C15orf40: variants seen among roughly 807,000 people sequenced by gnomAD.
C15orf40 encodes the protein chromosome 15 open reading frame 40, also known as UPF0235 protein C15orf40.
Under a neutral mutation model 13.9 loss-of-function variants are expected in C15orf40, and 9 were observed. That is an observed-to-expected ratio of 0.65 (90% CI 0.39 to 1.13). The LOEUF (loss-of-function observed/expected upper bound fraction) is 1.13. Among genes scored for constraint, C15orf40 ranks in the 50% most tolerant of loss-of-function variants. The pLI, the probability that C15orf40 is intolerant of heterozygous loss-of-function variation, is 0.01. For synonymous variants in C15orf40, 95 were observed against 69.2 expected (o/e 1.37, Z -1.85); for missense variants, 225 against 188.5 (o/e 1.19, Z -1.13).
downstream of C15orf40, among the ~76,000 whole-genome samples, chr15:82,989,479 C>T (rs1292445081): frequency 6.6e-6 from 1 of 152,154 alleles, no homozygotes; most frequent in African/African-American, 2.4e-5. Flanking sequence ...GAGTTTTCTA[C>T]AGCTTGTTCA....
At chr15:82,991,836 T>C, downstream of C15orf40, 2 of 1,239,612 alleles carry the variant, frequency 1.6e-6, no homozygotes, top group Non-Finnish European at 2.1e-6. Flanking sequence ...TATATAAAGA[T>C]AGGATTTGAT....
rs2031401930 is a variant in C15orf40, at chr15:83,001,190, T to C, written c.*4407A>G. ...CCCTAACCGAGAGGAAAGTGTGGAA[T>C]GGCTCACAGAAATCAGAAGTCTGAA... On this transcript the variant is annotated 3_prime_UTR_variant, in exon 4 of 4. Transcript: ENST00000304177. The C allele has an allele frequency of 1.0e-6, 1 of 985,362 alleles. No individual in the cohort carries two copies. Among genetic ancestry groups the C allele is most frequent in the Non-Finnish European group, 1.2e-6 (1 of 829,974 alleles). 61.0% of individuals were successfully genotyped at this position (985,362 alleles called of 1,614,324 possible).
At position 82,997,550 on chromosome 15, in the gene C15orf40, A is replaced by C. The variant is rs1308388041; in HGVS notation, c.*8047T>G. ...TCACAGATCAACAGGATCCCAAGGC[A>C]GAGGAATTTTTCTTAGTGCAGAACA... On this transcript the variant is annotated 3_prime_UTR_variant, in exon 4 of 4. Transcript: ENST00000304177. 1 of 228,726 alleles carries C rather than the reference A, an allele frequency of 4.4e-6. No homozygotes were observed. Among genetic ancestry groups the C allele is most frequent in the Non-Finnish European group, 8.5e-6 (1 of 117,462 alleles). The allele number at this position is 228,726 out of a possible 1,614,324, so 14.2% of individuals were successfully genotyped here.
chr15:83,006,540 A>G, intron 3 of C15orf40: 17 of 887,134 alleles, frequency 1.9e-5, no homozygotes, highest in Non-Finnish European at 2.2e-5. Flanking sequence ...CGGGTGGATC[A>G]CCTGAGGTCA....
chr15:83,001,839 T>G lies in C15orf40; in HGVS notation c.*3758A>C, dbSNP rs1258676158. The G allele has an allele frequency of 4.6e-5, 7 of 152,348 alleles. No homozygotes were observed. The highest frequency in any genetic ancestry group is 1.7e-4 in the African/African-American group (7 of 41,448). The allele number at this position is 152,348 out of a possible 1,614,324, so 9.4% of individuals were successfully genotyped here. ...TGCAGTGGGGAAAAGGGAATCGTGT[T>G]CTGGGAATACAGCCCCTGGGCCAGT... On this transcript the variant is annotated 3_prime_UTR_variant, in exon 4 of 4. Transcript: ENST00000304177.
Position 83,004,463 on chromosome 15 carries a change from A to G in C15orf40, c.*1134T>C. Reference sequence around the variant, plus strand: ...CTATAACTTGACCTGAAGATGTAAAAATATATTATTAGCTTTTGAAACTTT... The same window carrying G: ...CTATAACTTGACCTGAAGATGTAAAGATATATTATTAGCTTTTGAAACTTT... On this transcript the variant is annotated 3_prime_UTR_variant, in exon 4 of 4. Coordinates refer to ENST00000304177, the MANE Select transcript of C15orf40 (RefSeq NM_144597.3). 2.4e-6 allele frequency: 2 copies of G among 832,038 alleles called. No individual in the cohort carries two copies. Among genetic ancestry groups the G allele is most frequent in the South Asian group, 1.1e-4 (2 of 18,158 alleles). 51.5% of individuals were successfully genotyped at this position (832,038 alleles called of 1,614,324 possible). A position where few individuals can be genotyped will look rare whatever the true frequency, so the allele number is the denominator to read the frequency against.
rs1006284475 is a variant in C15orf40, at chr15:82,997,273, G to A, written c.*8324C>T. 4 of 145,684 alleles carry A rather than the reference G, an allele frequency of 2.7e-5. No individual in the cohort carries two copies. Among genetic ancestry groups the A allele is most frequent in the African/African-American group, 7.7e-5 (3 of 38,770 alleles). 9.0% of individuals were successfully genotyped at this position (145,684 alleles called of 1,614,324 possible). On this transcript the variant is annotated 3_prime_UTR_variant, in exon 4 of 4. Coordinates refer to ENST00000304177, the MANE Select transcript of C15orf40 (RefSeq NM_144597.3). ...TAATTCTTGGGTGTTTCTCACAGAG[G>A]GGGATTTGGCAGGGAAGGTCAGCAG...
chr15:83,001,304 T>C lies in C15orf40; in HGVS notation c.*4293A>G, dbSNP rs1450924898. 2 of 985,380 alleles carry C rather than the reference T, an allele frequency of 2.0e-6. No homozygotes were observed. The highest frequency in any genetic ancestry group is 1.1e-4 in the East Asian group (1 of 8,832). 61.0% of individuals were successfully genotyped at this position (985,380 alleles called of 1,614,324 possible). On this transcript the variant is annotated 3_prime_UTR_variant, in exon 4 of 4. Coordinates refer to ENST00000304177, the MANE Select transcript of C15orf40 (RefSeq NM_144597.3). ...ACAGCATAGGCAAACCACCTAGCAG[T>C]GTCTGTCAAGTAAGCAACCAAGTTA...
At chr15:82,991,586 C>G (rs1480937130), downstream of C15orf40, among the ~76,000 whole-genome samples, 2 of 152,100 alleles carry the variant, frequency 1.3e-5, no homozygotes, top group Admixed American at 6.6e-5. Flanking sequence ...ATTTTTAATG[C>G]CTTCTCTCTT....
rs1222291989 is a variant in C15orf40 at position 83,011,510 on chromosome 15, C to A, written c.98G>T (p.Gly33Val). 3 of 1,606,308 alleles carry A rather than the reference C, an allele frequency of 1.9e-6. No homozygotes were observed. The African/African-American group carries it at 4.0e-5, about 22-fold the overall frequency. ...CCTGCTACTGGCCTTGGTCGTCGCA[C>A]CAGCCTTCTTAGGCATCTCGGCGCA... ...LLCAEMPKKA[G>V]ATTKGKSQSK... is the part of the protein sequence containing the mutation. The change falls in exon 1 of 4, where the codon GGT (glycine) becomes GTT (valine). Residue 33 changes from glycine (G) to valine (V), a missense_variant. Physicochemically the swap from Gly to Val is moderately radical, Grantham distance 109. Coordinates refer to ENST00000304177, the MANE Select transcript of C15orf40 (RefSeq NM_144597.3).
chr15:83,009,499 T>C (rs1451719245), intron 2 of C15orf40, among the ~76,000 whole-genome samples: 1 of 152,254 alleles, frequency 6.6e-6, no homozygotes, highest in Non-Finnish European at 1.5e-5. Flanking sequence ...TTTCAAAATC[T>C]AAAAATGGTT....
chr15:82,997,236 T>C lies in C15orf40; in HGVS notation c.*8361A>G, dbSNP rs1185554257. ...TTTATTTTTATTTTTTTTTAATTTATTTTTTTATTGATAATTCTTGGGTGT... is the reference window on the plus strand; with the variant it reads ...TTTATTTTTATTTTTTTTTAATTTACTTTTTTATTGATAATTCTTGGGTGT... On this transcript the variant is annotated 3_prime_UTR_variant, in exon 4 of 4. Coordinates refer to ENST00000304177, the MANE Select transcript of C15orf40 (RefSeq NM_144597.3). The C allele has an allele frequency of 6.7e-6, 1 of 149,768 alleles. No homozygotes were observed. Among genetic ancestry groups the C allele is most frequent in the Non-Finnish European group, 1.5e-5 (1 of 67,686 alleles). The allele number at this position is 149,768 out of a possible 1,614,324, so 9.3% of individuals were successfully genotyped here.
At chr15:83,010,476 G>A (rs2031939928) in intron 1 of C15orf40, 113 bp from the exon 2 acceptor site, 1 of 1,297,666 alleles carries the variant, frequency 7.7e-7, no homozygotes, top group East Asian at 2.3e-5. Flanking sequence ...CTCATCAGTG[G>A]TGTCCAGGGA....
intron 3 of C15orf40, 96 bp downstream of exon 3, chr15:83,008,452 G>A (rs753136986): frequency 3.9e-6 from 5 of 1,267,904 alleles, no homozygotes; most frequent in South Asian, 2.4e-5. Context: ...CCAGGAGGTG[G>A]AGGTTGCAGT....
rs748961003 is a variant in C15orf40 at position 83,008,411 on chromosome 15, C to T, written c.366+137G>A. ...GCATGCGCCTATAATCCCAGCTACT[C>T]AGGAAGCTGAGGCAGGAGAATAGCT... On this transcript the variant is annotated intron_variant, in intron 3 of 3. Coordinates refer to ENST00000304177, the MANE Select transcript of C15orf40 (RefSeq NM_144597.3). 1.3e-5 allele frequency: 11 copies of T among 838,806 alleles called. No individual in the cohort carries two copies. In the African/African-American group the frequency reaches 1.9e-4, roughly 14 times the overall value. The allele number at this position is 838,806 out of a possible 1,614,324, so 52.0% of individuals were successfully genotyped here.
downstream of C15orf40, chr15:82,988,992 G>A (rs758600939): frequency 8.3e-6 from 13 of 1,559,774 alleles, no homozygotes; most frequent in Admixed American, 2.7e-4. Flanking sequence ...TAATGGAAAT[G>A]TCTTTAAAAT....
intron 3 of C15orf40, among the ~76,000 whole-genome samples, chr15:83,006,860 G>A (rs2151288557): frequency 6.6e-6 from 1 of 152,302 alleles, no homozygotes; most frequent in South Asian, 2.1e-4. Context: ...ATTTGAACAG[G>A]CAGAAGAATG....
In C15orf40 at chr15:83,005,547, G is replaced by A. The variant is rs1177700870; in HGVS notation, c.*50C>T. 6 of 1,511,412 alleles carry A rather than the reference G, an allele frequency of 4.0e-6. No homozygotes were observed. The highest frequency in any genetic ancestry group is 3.5e-5 in the South Asian group (3 of 85,970). 93.6% of individuals were successfully genotyped at this position (1,511,412 alleles called of 1,614,324 possible). A position where few individuals can be genotyped will look rare whatever the true frequency, so the allele number is the denominator to read the frequency against. ...GATCCGCCCACCACGGCCTCCCAAA[G>A]TGCTGGGATTACAGGCATGAGCCAC... is the stretch of plus-strand genomic sequence containing the variant. On this transcript the variant is annotated 3_prime_UTR_variant, in exon 4 of 4. Transcript: ENST00000304177.
rs2031596421 is a variant in C15orf40, at chr15:83,004,965, C to CTT, written c.*631_*632insAA. 1.6e-6 allele frequency: 2 copies of CTT among 1,284,700 alleles called. No homozygotes were observed. Among genetic ancestry groups the CTT allele is most frequent in the Non-Finnish European group, 2.1e-6 (2 of 972,110 alleles). 79.6% of individuals were successfully genotyped at this position (1,284,700 alleles called of 1,614,324 possible). ...GCATGGTACAATCTTGAGTAAGTCT[C>CTT]TCAACTTCTGGATATAGGAAATCAA... On this transcript the variant is annotated 3_prime_UTR_variant, in exon 4 of 4. Coordinates refer to ENST00000304177, the MANE Select transcript of C15orf40 (RefSeq NM_144597.3).
Sources: allele counts gnomAD v4.1 joint callset (sites outside exome capture counted in the v4.1 genomes callset), GRCh38; gene constraint gnomAD v4.1.1; transcripts MANE v1.5; gene names NCBI Gene and HGNC (gene_info 2026-07-23, HGNC 2026-07-21).